The following ZNF836 variants were observed in gnomAD, a reference collection of about 807,000 sequenced individuals.
ZNF836 encodes zinc finger protein 836.
In ZNF836, 12 loss-of-function variants were observed where a neutral mutation model predicts 7.4. The ratio of observed to expected loss-of-function variants is 1.61; its 90% CI spans 1.03 to 2.61. The LOEUF is 2.61. Ranked by LOEUF, ZNF836 falls within the 30% of genes most tolerant of loss-of-function variation. The pLI is 0.00. For synonymous variants in ZNF836, 365 were observed against 382.6 expected (o/e 0.95, Z 0.54); for missense variants, 998 against 1,126.2 (o/e 0.89, Z 1.63).
chr19:52,156,867 C>T lies in ZNF836; in HGVS notation c.816G>A (p.Lys272=), dbSNP rs770586419. The T allele has an allele frequency of 8.7e-6, 14 of 1,614,020 alleles. No homozygotes were observed. The East Asian group carries it at 1.8e-4, about 21-fold the overall frequency. The stretch of plus-strand genomic sequence containing the variant: ...TGCCACATACACCACATTGATATGG[C>T]TTCCCCCTTGTATGGACTATCTGAT... ...TIHQIVHTRG[K]PYQCGVCGKI... Residue 272 remains lysine, a synonymous_variant, in exon 5 of 5, where the codon AAG becomes AAA. Coordinates refer to ENST00000682614, the MANE Select transcript of ZNF836 (RefSeq NM_001102657.3).
At chr19:52,159,704 T>C (rs1417613219) in intron 4 of ZNF836, among the ~76,000 whole-genome samples, 1 of 152,128 alleles carries the variant, frequency 6.6e-6, no homozygotes, top group Non-Finnish European at 1.5e-5. Context: ...AAAATTAATA[T>C]GCTAGTAAGT....
Position 52,169,157 on chromosome 19 carries a change from G to A in ZNF836, c.-81+491C>T, listed in dbSNP as rs553986308. Among the ~76,000 whole-genome samples, 13 of 152,252 alleles carry A rather than the reference G, an allele frequency of 8.5e-5. No homozygotes were observed. In the South Asian group the frequency reaches 2.1e-3, roughly 24 times the overall value. On this transcript the variant is annotated intron_variant, in intron 2 of 4. Transcript: ENST00000682614. ...TACTTAACATTTAGAAATGAATGAC[G>A]TCAGCTGATTATAGGATGCCACCAA...
At chr19:52,168,934 C>T (rs754963637) in intron 2 of ZNF836, among the ~76,000 whole-genome samples, 3 of 152,088 alleles carry the variant, frequency 2.0e-5, no homozygotes, top group East Asian at 1.9e-4. Flanking sequence ...CAGGGTAGAA[C>T]AGTTGTTGCC....
intron 2 of ZNF836, 101 bp downstream of exon 2, chr19:52,169,547 C>T (rs1257237259): frequency 1.3e-5 from 2 of 152,168 alleles, no homozygotes; most frequent in African/African-American, 2.4e-5. Flanking sequence ...CCATTGCACT[C>T]CAGCCTGGGC....
chr19:52,164,537 T>C (rs2089245194), intron 3 of ZNF836, among the ~76,000 whole-genome samples: 1 of 151,148 alleles, frequency 6.6e-6, no homozygotes, highest in Admixed American at 6.6e-5. Context: ...ATAAAATAAC[T>C]GAGTTGAAAT....
intron 2 of ZNF836, among the ~76,000 whole-genome samples, chr19:52,169,107 G>C (rs548441412): frequency 3.0e-4 from 46 of 152,100 alleles, no homozygotes; most frequent in Non-Finnish European, 5.4e-4. Flanking sequence ...ATGAGTTATA[G>C]GGTGAAAGTT....
rs1033840221 is a variant in ZNF836 at position 52,154,671 on chromosome 19, C to G, written c.*201G>C. The G allele has an allele frequency of 8.8e-6, 4 of 453,286 alleles. No homozygotes were observed. The highest frequency in any genetic ancestry group is 1.5e-5 in the Non-Finnish European group (4 of 265,720). The allele number at this position is 453,286 out of a possible 1,614,324, so 28.1% of individuals were successfully genotyped here. ...GAGACTCCGTCTCAAAAAAGCAAAACAAACAAAAAAACAAGATCTCACCAG... is the reference window on the plus strand; with the variant it reads ...GAGACTCCGTCTCAAAAAAGCAAAAGAAACAAAAAAACAAGATCTCACCAG... On this transcript the variant is annotated 3_prime_UTR_variant, in exon 5 of 5. Transcript: ENST00000682614.
Position 52,169,804 on chromosome 19 carries a change from AAAAAAAAG to A in ZNF836, c.-214-31_-214-24del, listed in dbSNP as rs201255479. ...ACCCTGTCTCAAAAAAGAAAAAAAAAAAAAAAAGACATACCTTGTAGTGACAGTGACAG... is the reference window on the plus strand; with the variant it reads ...ACCCTGTCTCAAAAAAGAAAAAAAAAACATACCTTGTAGTGACAGTGACAG... On this transcript the variant is annotated intron_variant, in intron 1 of 4. Transcript: ENST00000682614. The A allele has an allele frequency of 3.2e-3, 485 of 152,756 alleles. 11 individuals carry two copies. In the East Asian group the frequency reaches 0.056, roughly 18 times the overall value. The allele number at this position is 152,756 out of a possible 1,614,324, so 9.5% of individuals were successfully genotyped here. A position where few individuals can be genotyped will look rare whatever the true frequency, so the allele number is the denominator to read the frequency against.
In ZNF836 at chr19:52,171,582, G is replaced by C. The variant is rs978085506; in HGVS notation, c.-461C>G. 5 of 152,324 alleles carry C rather than the reference G, an allele frequency of 3.3e-5. No individual in the cohort carries two copies. The highest frequency in any genetic ancestry group is 1.2e-4 in the African/African-American group (5 of 41,458). The allele number at this position is 152,324 out of a possible 1,614,324, so 9.4% of individuals were successfully genotyped here. On this transcript the variant is annotated 5_prime_UTR_variant, in exon 1 of 5. Transcript: ENST00000682614. ...CTGAGAGACCTGGGGCGGGAGAGGG[G>C]CCTGGGCGGGGTGCGACCCGCAAGG... is the stretch of plus-strand genomic sequence containing the variant.
intron 3 of ZNF836, 122 bp from the exon 4 acceptor site, chr19:52,160,713 A>C: frequency 1.6e-6 from 2 of 1,235,374 alleles, no homozygotes; most frequent in African/African-American, 1.5e-5. Context: ...CATGCAAGGC[A>C]TCTGTGAGAA....
At position 52,156,789 on chromosome 19, in the gene ZNF836, TCC is replaced by T; in HGVS notation, c.892_893del (p.Gly298ArgfsTer7). 1 of 1,614,166 alleles carries T rather than the reference TCC, an allele frequency of 6.2e-7. No individual in the cohort carries two copies. Among genetic ancestry groups the T allele is most frequent in the Non-Finnish European group, 8.5e-7 (1 of 1,180,022 alleles). On this transcript the variant is annotated frameshift_variant, in exon 5 of 5. Coordinates refer to ENST00000682614, the MANE Select transcript of ZNF836 (RefSeq NM_001102657.3). LOFTEE classifies it low-confidence loss of function (END_TRUNC). ...ATTCATTACATTTGTACGGTTTCTC[TCC>T]AGTGTGACTTCTCCGGTGATTTACA... The part of the protein sequence containing the change: ...DLVNHRRSHT[G>X]EKPYKCNECG...
At position 52,158,150 on chromosome 19, in the gene ZNF836, A is replaced by G. The variant is rs575463436; in HGVS notation, c.143-610T>C. 3.5e-4 allele frequency among the ~76,000 whole-genome samples: 54 copies of G among 152,316 alleles called. 1 individual carries two copies. The South Asian group carries it at 0.011, about 31-fold the overall frequency. ...TGTTGTGCAAACATATATTAGCACT[A>G]AAACAAGTATTTTTCCACCATGCCC... is the stretch of plus-strand genomic sequence containing the variant. On this transcript the variant is annotated intron_variant, in intron 4 of 4. Coordinates refer to ENST00000682614, the MANE Select transcript of ZNF836 (RefSeq NM_001102657.3).
At position 52,157,382 on chromosome 19, in the gene ZNF836, G is replaced by A. The variant is rs747662765; in HGVS notation, c.301C>T (p.Gln101Ter). Residue 101 changes from glutamine to a stop codon, truncating the protein, a stop_gained, in exon 5 of 5, where the codon CAA (glutamine) becomes TAA (stop). Coordinates refer to ENST00000682614, the MANE Select transcript of ZNF836 (RefSeq NM_001102657.3). LOFTEE classifies it low-confidence loss of function (END_TRUNC). Reference protein sequence around the residue: ...IQKNLQDLEFQWKDGEINYKE... With the variant: ...IQKNLQDLEF ...TAATTTATTTCACCATCTTTCCATTGAAACTCAAGGTCCTGTAGATTTTTC... is the reference window on the plus strand; with the variant it reads ...TAATTTATTTCACCATCTTTCCATTAAAACTCAAGGTCCTGTAGATTTTTC... The A allele has an allele frequency of 1.9e-6, 3 of 1,607,766 alleles. No homozygotes were observed. Among genetic ancestry groups the A allele is most frequent in the African/African-American group, 2.7e-5 (2 of 74,378 alleles).
chr19:52,162,355 T>G (rs531539186), intron 3 of ZNF836, among the ~76,000 whole-genome samples: 10 of 152,330 alleles, frequency 6.6e-5, no homozygotes. Flanking sequence ...CCTATGGCAT[T>G]TTTATGCCTA....
intron 3 of ZNF836, among the ~76,000 whole-genome samples, chr19:52,167,156 T>C (rs1272682485): frequency 6.6e-6 from 1 of 151,644 alleles, no homozygotes; most frequent in Non-Finnish European, 1.5e-5. Context: ...GAATCTGACA[T>C]TCAGGTTGAT....
chr19:52,164,308 G>A (rs911762636), intron 3 of ZNF836, among the ~76,000 whole-genome samples: 1 of 151,192 alleles, frequency 6.6e-6, no homozygotes, highest in African/African-American at 2.4e-5. Context: ...TAGGAGAATT[G>A]CTTGAACCCA....
At position 52,157,300 on chromosome 19, in the gene ZNF836, C is replaced by A. The variant is rs1287652925; in HGVS notation, c.383G>T (p.Ser128Ile). The A allele has an allele frequency of 3.1e-6, 5 of 1,604,492 alleles. No individual in the cohort carries two copies. The highest frequency in any genetic ancestry group is 4.3e-6 in the Non-Finnish European group (5 of 1,175,126). The change falls in exon 5 of 5, where the codon AGT becomes ATT. Residue 128 changes from serine (S) to isoleucine (I), a missense_variant. Ser to Ile is a moderately radical substitution (Grantham distance 142). Coordinates refer to ENST00000682614, the MANE Select transcript of ZNF836 (RefSeq NM_001102657.3). ...ACATTTGTTTTCTACATCCTCTTGA[C>A]TATGTTGACCTCTTTTACCATTAAG... ...NNLNGKRGQHSQEDVENKCIE... is the reference protein window; with the variant it reads ...NNLNGKRGQHIQEDVENKCIE...
intron 3 of ZNF836, among the ~76,000 whole-genome samples, chr19:52,163,447 T>G (rs1465917106): frequency 6.6e-6 from 1 of 152,240 alleles, no homozygotes; most frequent in Non-Finnish European, 1.5e-5. Flanking sequence ...TGAGAGTGTT[T>G]CTAACAAACA....
chr19:52,160,485 T>C lies in ZNF836; in HGVS notation c.122A>G (p.Tyr41Cys). The C allele has an allele frequency of 5.6e-6, 9 of 1,614,184 alleles. No homozygotes were observed. The highest frequency in any genetic ancestry group is 7.6e-6 in the Non-Finnish European group (9 of 1,180,036). The change falls in exon 4 of 5, where the codon TAC becomes TGC. Residue 41 changes from tyrosine (Y) to cysteine (C), a missense_variant. Physicochemically the swap from Tyr to Cys is radical, Grantham distance 194. Transcript: ENST00000682614. Reference sequence around the variant, plus strand: ...CTTACCCAGGAAGACCAGGTTCCTGTAGTTCTCCAACATCACATCCCAGTA... The same window carrying C: ...CTTACCCAGGAAGACCAGGTTCCTGCAGTTCTCCAACATCACATCCCAGTA... ...ALYWDVMLEN[Y>C]RNLVFLGILP...
Sources: gnomAD v4.1 joint callset for allele counts (sites outside exome capture counted in the v4.1 genomes callset) on GRCh38, gnomAD v4.1.1 for gene constraint, MANE v1.5 for transcripts, NCBI Gene and HGNC (gene_info 2026-07-23, HGNC 2026-07-21) for gene names.